PHF21A: variants seen among roughly 807,000 people sequenced by gnomAD.
PHF21A encodes PHD finger protein 21A.
In PHF21A, 11 loss-of-function variants were observed where a neutral mutation model predicts 82.5. That is an observed-to-expected ratio of 0.13 (90% confidence interval 0.08 to 0.22). PHF21A has a LOEUF of 0.22. Ranked by LOEUF, PHF21A falls within the 10% of genes least tolerant of loss-of-function variation. PHF21A has a pLI of 1.00. For missense variants in PHF21A, 579 were observed against 837.8 expected (o/e 0.69, Z 3.81); for synonymous variants, 297 against 302.8 (o/e 0.98, Z 0.20).
At chr11:46,115,691 T>C (rs1325364803) in intron 1 of PHF21A, among the ~76,000 whole-genome samples, 1 of 151,710 alleles carries the variant, frequency 6.6e-6, no homozygotes, top group African/African-American at 2.4e-5. Flanking sequence ...AATTCAAACA[T>C]GTTTCAAGAA....
At chr11:45,976,853 C>T (rs2094051492) in intron 7 of PHF21A, among the ~76,000 whole-genome samples, 1 of 152,004 alleles carries the variant, frequency 6.6e-6, no homozygotes, top group Admixed American at 6.6e-5. Flanking sequence ...CAAACAAACA[C>T]CAAAAACCAG....
At chr11:45,994,190 T>C (rs2094822070) in intron 6 of PHF21A, among the ~76,000 whole-genome samples, 2 of 152,210 alleles carry the variant, frequency 1.3e-5, no homozygotes, top group Non-Finnish European at 2.9e-5. Context: ...AAAAATGGAA[T>C]GGACACTGGC....
At chr11:46,010,685 G>C (rs1217394046) in intron 6 of PHF21A, among the ~76,000 whole-genome samples, 1 of 152,134 alleles carries the variant, frequency 6.6e-6, no homozygotes, top group Non-Finnish European at 1.5e-5. Flanking sequence ...CTAAGCCAGC[G>C]TGCAAAGCCT....
Position 46,084,233 on chromosome 11 carries a change from C to A in PHF21A, c.-14G>T, listed in dbSNP as rs745376797. ...CTGCAACTCCATCCTCTACCTTCTCCACTTTCTCTGCTAATTCTATAGTTT... is the reference window on the plus strand; with the variant it reads ...CTGCAACTCCATCCTCTACCTTCTCAACTTTCTCTGCTAATTCTATAGTTT... On this transcript the variant is annotated 5_prime_UTR_variant, in exon 4 of 19. Transcript: ENST00000676320. 6.3e-7 allele frequency: 1 copy of A among 1,591,826 alleles called. No individual in the cohort carries two copies. Among genetic ancestry groups the A allele is most frequent in the Non-Finnish European group, 8.5e-7 (1 of 1,171,760 alleles).
chr11:45,989,956 C>T (rs897012522), intron 6 of PHF21A, among the ~76,000 whole-genome samples: 4 of 151,920 alleles, frequency 2.6e-5, no homozygotes, highest in Non-Finnish European at 4.4e-5. Context: ...CGTGCCACTG[C>T]ACTTCAGCCT....
At chr11:45,979,416 G>A (rs1294934751) in intron 7 of PHF21A, among the ~76,000 whole-genome samples, 1 of 152,158 alleles carries the variant, frequency 6.6e-6, no homozygotes, top group Non-Finnish European at 1.5e-5. Flanking sequence ...AAGAGGTCAA[G>A]TCACAAACTT....
intron 9 of PHF21A, among the ~76,000 whole-genome samples, chr11:45,967,265 G>C (rs1229869457): frequency 6.6e-6 from 1 of 151,912 alleles, no homozygotes; most frequent in Admixed American, 6.6e-5. Context: ...CTACTTGAGA[G>C]GCTGAGACAT....
chr11:46,019,209 C>T (rs1391628095), intron 6 of PHF21A, among the ~76,000 whole-genome samples: 1 of 151,968 alleles, frequency 6.6e-6, no homozygotes, highest in African/African-American at 2.4e-5. Flanking sequence ...GAAGAAACTG[C>T]TTTTTAATTC....
At chr11:46,019,810 C>T (rs1043507903) in intron 6 of PHF21A, among the ~76,000 whole-genome samples, 1 of 152,082 alleles carries the variant, frequency 6.6e-6, no homozygotes, top group African/African-American at 2.4e-5. Context: ...AACACAGAAG[C>T]AAGTAAGAAA....
chr11:45,962,332 C>T (rs554180139), intron 10 of PHF21A, among the ~76,000 whole-genome samples: 6 of 152,064 alleles, frequency 3.9e-5, no homozygotes, highest in African/African-American at 7.2e-5. Flanking sequence ...TGAACAGGTT[C>T]TTCCATGGCT....
At chr11:46,087,810 C>T (rs943386434) in intron 3 of PHF21A, among the ~76,000 whole-genome samples, 28 of 152,160 alleles carry the variant, frequency 1.8e-4, no homozygotes, top group African/African-American at 6.5e-4. Flanking sequence ...GGCTAAAGTG[C>T]AGTGGTGCGA....
intron 7 of PHF21A, among the ~76,000 whole-genome samples, chr11:45,976,518 A>G (rs1335137365): frequency 1.3e-5 from 2 of 152,244 alleles, no homozygotes; most frequent in African/African-American, 4.8e-5. Flanking sequence ...GTATACCAGA[A>G]TCTACCACAT....
intron 6 of PHF21A, among the ~76,000 whole-genome samples, chr11:46,001,248 A>G (rs2095117779): frequency 6.6e-6 from 1 of 151,678 alleles, no homozygotes; most frequent in Non-Finnish European, 1.5e-5. Flanking sequence ...TGGAAACTGA[A>G]AAACCATCAA....
At chr11:45,992,767 T>C (rs2094757960) in intron 6 of PHF21A, among the ~76,000 whole-genome samples, 1 of 152,188 alleles carries the variant, frequency 6.6e-6, no homozygotes, top group Non-Finnish European at 1.5e-5. Context: ...CACAACTATA[T>C]ACAAAATATA....
intron 1 of PHF21A, among the ~76,000 whole-genome samples, chr11:46,109,682 T>C (rs2097189738): frequency 6.6e-6 from 1 of 152,136 alleles, no homozygotes; most frequent in Admixed American, 6.6e-5. Context: ...TAAACACATG[T>C]CAAGAATTTG....
At chr11:45,983,560 A>G (rs1215109114) in intron 6 of PHF21A, among the ~76,000 whole-genome samples, 4 of 152,196 alleles carry the variant, frequency 2.6e-5, no homozygotes, top group Non-Finnish European at 5.9e-5. Context: ...TTAAATATAG[A>G]TGACTGCACT....
At chr11:46,058,125 A>T (rs893801627) in intron 6 of PHF21A, among the ~76,000 whole-genome samples, 61 of 152,204 alleles carry the variant, frequency 4.0e-4, no homozygotes, top group African/African-American at 1.4e-3. Flanking sequence ...GAAACTAGAA[A>T]GTCATAGCCT....
chr11:46,102,202 G>T (rs781714946), intron 1 of PHF21A, among the ~76,000 whole-genome samples: 10 of 152,256 alleles, frequency 6.6e-5, no homozygotes, highest in Non-Finnish European at 1.5e-4. Flanking sequence ...ACCAGCCTCG[G>T]CCTCCCACAG....
At chr11:45,997,716 T>C (rs1024338902) in intron 6 of PHF21A, among the ~76,000 whole-genome samples, 3 of 152,244 alleles carry the variant, frequency 2.0e-5, no homozygotes, top group Non-Finnish European at 2.9e-5. Flanking sequence ...TCAGGATCTG[T>C]TGTTCTGACT....
Sources: gnomAD v4.1 joint callset for allele counts (sites outside exome capture counted in the v4.1 genomes callset) on GRCh38, gnomAD v4.1.1 for gene constraint, MANE v1.5 for transcripts, NCBI Gene and HGNC (gene_info 2026-07-23, HGNC 2026-07-21) for gene names.